CFAP299: variants seen among roughly 807,000 people sequenced by gnomAD.
The protein encoded by CFAP299 is cilia- and flagella-associated protein 299.
Under a neutral mutation model 27.0 loss-of-function variants are expected in CFAP299, and 21 were observed. The observed-to-expected ratio is 0.78, with a 90% CI of 0.55 to 1.12. The LOEUF is 1.12. CFAP299 is among the 50% of genes most tolerant of loss of function. CFAP299 has a pLI of 0.00. For missense variants in CFAP299, 310 were observed against 276.6 expected, an observed-to-expected ratio of 1.12 and a Z score of -0.86; for synonymous variants, 104 against 98.1, an observed-to-expected ratio of 1.06 and a Z score of -0.36.
At chr4:80,577,321 A>G (rs1262328797) in intron 2 of CFAP299, among the ~76,000 whole-genome samples, 1 of 152,194 alleles carries the variant, frequency 6.6e-6, no homozygotes, top group Non-Finnish European at 1.5e-5. Context: ...CCCGATAGCT[A>G]AAAAGTATTG....
chr4:80,506,121 T>C (rs370922318), intron 2 of CFAP299, among the ~76,000 whole-genome samples: 51 of 152,116 alleles, frequency 3.4e-4, no homozygotes, highest in African/African-American at 1.1e-3. Context: ...CATTTTGATG[T>C]AAGTGATAAA....
intron 3 of CFAP299, among the ~76,000 whole-genome samples, chr4:80,846,446 T>C (rs1375564725): frequency 6.6e-6 from 1 of 152,178 alleles, no homozygotes; most frequent in African/African-American, 2.4e-5. Context: ...TTAGGTATCC[T>C]TGAATGAGTC....
upstream of CFAP299, among the ~76,000 whole-genome samples, chr4:80,334,424 C>T (rs543405600): frequency 6.6e-6 from 1 of 152,096 alleles, no homozygotes; most frequent in South Asian, 2.1e-4. Context: ...ATTACAGGCG[C>T]CCACCATCAT....
Position 80,653,144 on chromosome 4 carries a change from T to C in CFAP299, c.333+69961T>C, listed in dbSNP as rs528982110. Among the ~76,000 whole-genome samples the C allele has an allele frequency of 7.2e-5, 11 of 152,312 alleles. No homozygotes were observed. In the South Asian group the frequency reaches 2.3e-3, roughly 32 times the overall value. The stretch of plus-strand genomic sequence containing the variant: ...CTGTATTCAGCTATATGCACACTTG[T>C]ATATCAGATATACATAAAACTGAAT... On this transcript the variant is annotated intron_variant, in intron 3 of 5. Coordinates refer to ENST00000358105, the MANE Select transcript of CFAP299 (RefSeq NM_152770.3).
chr4:80,759,602 T>C (rs541798203), intron 3 of CFAP299, among the ~76,000 whole-genome samples: 7 of 152,324 alleles, frequency 4.6e-5, no homozygotes, highest in African/African-American at 1.7e-4. Flanking sequence ...ATTAGTAATA[T>C]TGACTATTGT....
intron 3 of CFAP299, among the ~76,000 whole-genome samples, chr4:80,819,229 G>A (rs186269121): frequency 6.6e-6 from 1 of 152,070 alleles, no homozygotes; most frequent in South Asian, 2.1e-4. Context: ...AATTTAGAGA[G>A]TAGAAAGAGT....
intron 2 of CFAP299, among the ~76,000 whole-genome samples, chr4:80,376,827 G>A (rs1724436974): frequency 6.6e-6 from 1 of 152,114 alleles, no homozygotes; most frequent in Non-Finnish European, 1.5e-5. Context: ...GCTAATTTTT[G>A]TATTTTTAGT....
intron 3 of CFAP299, among the ~76,000 whole-genome samples, chr4:80,692,449 A>T (rs987956890): frequency 2.6e-5 from 4 of 152,238 alleles, no homozygotes; most frequent in Admixed American, 6.5e-5. Flanking sequence ...TGGGGAAAGG[A>T]TTCCCTATTT....
intron 4 of CFAP299, among the ~76,000 whole-genome samples, chr4:80,906,915 T>C (rs1252421868): frequency 2.0e-5 from 3 of 152,334 alleles, no homozygotes; most frequent in Middle Eastern, 3.4e-3. Flanking sequence ...GTCTTGGTAA[T>C]TAACATTTGG....
At chr4:80,894,715 T>G (rs1403243140) in intron 4 of CFAP299, among the ~76,000 whole-genome samples, 6 of 152,010 alleles carry the variant, frequency 3.9e-5, no homozygotes, top group Non-Finnish European at 1.5e-5. Context: ...ATGTAACCAC[T>G]ATCTCAAATA....
chr4:80,327,037 G>A, the CFAP299 span, among the ~76,000 whole-genome samples: 5 of 152,106 alleles, frequency 3.3e-5, no homozygotes, highest in African/African-American at 9.7e-5. Flanking sequence ...CTAGGCAGAC[G>A]TTATCTTTAC....
chr4:80,735,545 C>T (rs1357758524), intron 3 of CFAP299, among the ~76,000 whole-genome samples: 1 of 152,072 alleles, frequency 6.6e-6, no homozygotes, highest in East Asian at 1.9e-4. Flanking sequence ...TAATTTTTGT[C>T]TATTCAATAA....
At chr4:80,937,381 A>G (rs980019230) in intron 4 of CFAP299, among the ~76,000 whole-genome samples, 1 of 119,426 alleles carries the variant, frequency 8.4e-6, no homozygotes, top group African/African-American at 3.4e-5. Flanking sequence ...CAGTTGTGTG[A>G]TCACACCTCA....
At chr4:80,419,036 T>C (rs549712796) in intron 2 of CFAP299, among the ~76,000 whole-genome samples, 1 of 152,276 alleles carries the variant, frequency 6.6e-6, no homozygotes, top group East Asian at 1.9e-4. Context: ...TCTATATCCA[T>C]ACAGGTCTGC....
At chr4:80,949,437 A>G (rs1218846326) in intron 5 of CFAP299, among the ~76,000 whole-genome samples, 1 of 152,092 alleles carries the variant, frequency 6.6e-6, no homozygotes, top group Non-Finnish European at 1.5e-5. Context: ...GATAATGTTA[A>G]GTGATAATGG....
intron 2 of CFAP299, among the ~76,000 whole-genome samples, chr4:80,464,525 C>T (rs1338361069): frequency 6.6e-6 from 1 of 152,182 alleles, no homozygotes; most frequent in East Asian, 1.9e-4. Context: ...GGATTCCAAA[C>T]TTCAAAGGCT....
chr4:80,593,015 C>G (rs190534787), intron 3 of CFAP299, among the ~76,000 whole-genome samples: 1 of 152,264 alleles, frequency 6.6e-6, no homozygotes, highest in Non-Finnish European at 1.5e-5. Context: ...TATTTAGATG[C>G]TATAGCTAAA....
chr4:80,537,833 C>CAA (rs70944787), intron 2 of CFAP299, among the ~76,000 whole-genome samples: 46 of 146,058 alleles, frequency 3.1e-4, no homozygotes, highest in African/African-American at 1.0e-3. Flanking sequence ...ATGTTCTCTC[C>CAA]AAAAAAAAAA....
At chr4:80,346,217 T>G (rs1722718965) in intron 1 of CFAP299, among the ~76,000 whole-genome samples, 1 of 152,236 alleles carries the variant, frequency 6.6e-6, no homozygotes, top group African/African-American at 2.4e-5. Flanking sequence ...TCTTCCATTC[T>G]GTAGGTTGCC....
Sources: allele counts gnomAD v4.1 joint callset (sites outside exome capture counted in the v4.1 genomes callset), GRCh38; gene constraint gnomAD v4.1.1; transcripts MANE v1.5; gene names NCBI Gene and HGNC (gene_info 2026-07-23, HGNC 2026-07-21).